The following CHL1 variants were observed in gnomAD, a reference collection of about 807,000 sequenced individuals.
CHL1 encodes cell adhesion molecule L1 like, also known as neural cell adhesion molecule L1-like protein.
In CHL1, 96 loss-of-function variants were observed where a neutral mutation model predicts 141.9. That is an observed-to-expected ratio of 0.68 (90% CI 0.57 to 0.80). CHL1 has a LOEUF of 0.80. Ranked by LOEUF, CHL1 falls within the 30% of genes least tolerant of loss-of-function variation. The pLI is 0.00. For synonymous variants in CHL1, 613 were observed against 502.2 expected, an observed-to-expected ratio of 1.22 and a Z score of -2.95; for missense variants, 1,820 against 1,457.2, an observed-to-expected ratio of 1.25 and a Z score of -4.05.
chr3:383,659 T>A (rs1707326958), intron 18 of CHL1, among the ~76,000 whole-genome samples, 157 bp from the exon 19 acceptor site: 1 of 152,146 alleles, frequency 6.6e-6, no homozygotes, highest in Non-Finnish European at 1.5e-5. Flanking sequence ...ATATTTAAAA[T>A]CTACCTTAAA....
chr3:314,487 A>G (rs1289137417), intron 2 of CHL1, among the ~76,000 whole-genome samples: 1 of 151,696 alleles, frequency 6.6e-6, no homozygotes, highest in Non-Finnish European at 1.5e-5. Context: ...GGAAACATTT[A>G]TTATTGTTCC....
At chr3:350,808 A>G (rs533276043) in intron 10 of CHL1, among the ~76,000 whole-genome samples, 1 of 152,188 alleles carries the variant, frequency 6.6e-6, no homozygotes, top group African/African-American at 2.4e-5. Flanking sequence ...ACTTATATAG[A>G]TATGCATTAA....
chr3:262,858 A>G (rs1039200890), intron 2 of CHL1, among the ~76,000 whole-genome samples: 3 of 152,244 alleles, frequency 2.0e-5, no homozygotes, highest in Non-Finnish European at 4.4e-5. Context: ...ATCACTGTGC[A>G]AACTAATCAA....
intron 2 of CHL1, among the ~76,000 whole-genome samples, chr3:250,102 C>G (rs9881279): frequency 0.42 from 63,269 of 151,642 alleles, 15,330 homozygotes; most frequent in African/African-American, 0.67. Context: ...GAGCAGCTGG[C>G]ACTACAGGCA....
chr3:204,468 G>A lies in CHL1; in HGVS notation c.-175+7405G>A, dbSNP rs148098579. On this transcript the variant is annotated intron_variant, in intron 1 of 27. Coordinates refer to ENST00000256509, the MANE Select transcript of CHL1 (RefSeq NM_006614.4). Reference sequence around the variant, plus strand: ...CAGAATGCACTGGTTGCATCTTAATGTGAGGAATTTTTATTTCCAGGGACT... The same window carrying A: ...CAGAATGCACTGGTTGCATCTTAATATGAGGAATTTTTATTTCCAGGGACT... Among the ~76,000 whole-genome samples, 158 of 152,350 alleles carry A rather than the reference G, an allele frequency of 1.0e-3. 3 individuals carry two copies. In the East Asian group the frequency reaches 0.023, roughly 22 times the overall value.
In CHL1 at chr3:382,631, G is replaced by A. The variant is rs1707184322; in HGVS notation, c.2136G>A (p.Gln712=). 1 of 1,613,694 alleles carries A rather than the reference G, an allele frequency of 6.2e-7. No homozygotes were observed. The highest frequency in any genetic ancestry group is 8.5e-7 in the Non-Finnish European group (1 of 1,179,812). ...VIAVNEVGRS[Q]PSQPSDHHET... is the part of the protein sequence containing the mutation. Reference sequence around the variant, plus strand: ...CCGTGAACGAAGTAGGGAGAAGTCAGCCTAGCCAGCCGTCAGACCATCATG... The same window carrying A: ...CCGTGAACGAAGTAGGGAGAAGTCAACCTAGCCAGCCGTCAGACCATCATG... Residue 712 remains glutamine, a synonymous_variant, in exon 18 of 28, where the codon CAG becomes CAA. Coordinates refer to ENST00000256509, the MANE Select transcript of CHL1 (RefSeq NM_006614.4).
intron 1 of CHL1, among the ~76,000 whole-genome samples, chr3:239,348 G>T (rs1281293561): frequency 1.3e-5 from 2 of 152,106 alleles, no homozygotes; most frequent in East Asian, 3.9e-4. Flanking sequence ...AAGGCTACTT[G>T]ATTAGCTTAC....
chr3:316,677 T>C (rs1055988353), intron 2 of CHL1, among the ~76,000 whole-genome samples: 22 of 151,992 alleles, frequency 1.4e-4, no homozygotes, highest in African/African-American at 4.8e-4. Flanking sequence ...AAATGATAAA[T>C]GCTTCAGGTG....
At chr3:260,554 C>T (rs550435203) in intron 2 of CHL1, among the ~76,000 whole-genome samples, 5 of 152,200 alleles carry the variant, frequency 3.3e-5, no homozygotes, top group African/African-American at 9.6e-5. Flanking sequence ...AATAACATTC[C>T]GATACCAGCA....
chr3:208,270 T>C (rs1271833768), intron 1 of CHL1, among the ~76,000 whole-genome samples: 2 of 152,216 alleles, frequency 1.3e-5, no homozygotes, highest in African/African-American at 4.8e-5. Context: ...TTCTGCAGTG[T>C]AATTTTGGAC....
chr3:199,181 G>C (rs1698696953), intron 1 of CHL1, among the ~76,000 whole-genome samples: 4 of 152,174 alleles, frequency 2.6e-5, no homozygotes, highest in Admixed American at 2.0e-4. Flanking sequence ...TTTACCTTTA[G>C]TAATGGCAGA....
At chr3:240,409 G>C (rs1692443231) in intron 1 of CHL1, among the ~76,000 whole-genome samples, 1 of 151,992 alleles carries the variant, frequency 6.6e-6, no homozygotes, top group Non-Finnish European at 1.5e-5. Flanking sequence ...TTTGAGAATT[G>C]TCTATTCATG....
chr3:364,609 G>A (rs373394847), intron 14 of CHL1, among the ~76,000 whole-genome samples: 31 of 151,946 alleles, frequency 2.0e-4, no homozygotes, highest in African/African-American at 5.1e-4. Context: ...AAATATATAC[G>A]AATCGTATCA....
At chr3:297,474 C>G (rs1698300660) in intron 2 of CHL1, among the ~76,000 whole-genome samples, 1 of 152,036 alleles carries the variant, frequency 6.6e-6, no homozygotes. Flanking sequence ...ACATTGATCT[C>G]CAAATTATAA....
At position 340,823 on chromosome 3, in the gene CHL1, G is replaced by T; in HGVS notation, c.415G>T (p.Asp139Tyr). Residue 139 changes from aspartate (D) to tyrosine (Y), a missense_variant, in exon 6 of 28, where the codon GAC (aspartate) becomes TAC (tyrosine). Asp to Tyr is a radical substitution (Grantham distance 160, BLOSUM62 -3). Transcript: ENST00000256509. ...SVPKFPKEKI[D>Y]PLEVEEGDPI... Reference sequence around the variant, plus strand: ...TCCAAAATTCCCAAAAGAAAAAATTGACCCTCTTGAAGTGGAGGAGGGAGA... The same window carrying T: ...TCCAAAATTCCCAAAAGAAAAAATTTACCCTCTTGAAGTGGAGGAGGGAGA... 6.2e-7 allele frequency: 1 copy of T among 1,611,030 alleles called. No homozygotes were observed. The highest frequency in any genetic ancestry group is 2.2e-5 in the East Asian group (1 of 44,820).
rs1708248020 is a variant in CHL1 at position 391,794 on chromosome 3, A to T, written c.2911A>T (p.Ile971Leu). The T allele has an allele frequency of 6.3e-7, 1 of 1,579,836 alleles. No homozygotes were observed. The highest frequency in any genetic ancestry group is 1.4e-5 in the African/African-American group (1 of 72,958). The stretch of plus-strand genomic sequence containing the variant: ...AACTGGCTATCTTTTGCAATATCAG[A>T]TAAGTAAGTAGAAATTTGAATTGGA... ...NLTGYLLQYQ[I>L]INDTYEIGEL... Residue 971 changes from isoleucine to leucine, a missense_variant, in exon 23 of 28, where the codon ATA becomes TTA. Ile to Leu is a conservative substitution (Grantham distance 5). Coordinates refer to ENST00000256509, the MANE Select transcript of CHL1 (RefSeq NM_006614.4).
intron 2 of CHL1, among the ~76,000 whole-genome samples, chr3:277,426 C>T (rs544995640): frequency 2.0e-5 from 3 of 152,314 alleles, no homozygotes; most frequent in Middle Eastern, 3.4e-3. Context: ...ATACACATAA[C>T]ATTAAAATCC....
chr3:367,059 TA>T (rs1471369840), intron 15 of CHL1, among the ~76,000 whole-genome samples: 1 of 152,214 alleles, frequency 6.6e-6, no homozygotes, highest in Non-Finnish European at 1.5e-5. Context: ...AGACAAAATA[TA>T]AAAGAGAACA....
intron 2 of CHL1, among the ~76,000 whole-genome samples, chr3:270,295 G>T (rs1033377546): frequency 6.6e-6 from 1 of 152,174 alleles, no homozygotes; most frequent in South Asian, 2.1e-4. Context: ...AGGCCAATGA[G>T]GGTCTTTGAT....
Sources: allele counts gnomAD v4.1 joint callset (sites outside exome capture counted in the v4.1 genomes callset), GRCh38; gene constraint gnomAD v4.1.1; transcripts MANE v1.5; gene names NCBI Gene and HGNC (gene_info 2026-07-23, HGNC 2026-07-21).